INPP5F: variants seen among roughly 807,000 people sequenced by gnomAD.
INPP5F encodes phosphatidylinositide 4-phosphatase SAC2.
In INPP5F, 97 loss-of-function variants were observed where a neutral mutation model predicts 137.2. The observed-to-expected ratio is 0.71, with a 90% CI of 0.60 to 0.84. The LOEUF is 0.84. Ranked by LOEUF, INPP5F falls within the 40% of genes least tolerant of loss-of-function variation. INPP5F has a pLI of 0.00. For synonymous variants in INPP5F, 504 were observed against 476.9 expected (o/e 1.06, Z -0.74); for missense variants, 1,271 against 1,371.9 (o/e 0.93, Z 1.16).
intron 1 of INPP5F, among the ~76,000 whole-genome samples, chr10:119,727,384 A>G (rs1475904406): frequency 6.6e-6 from 1 of 152,218 alleles, no homozygotes; most frequent in African/African-American, 2.4e-5. Context: ...CACTTATAGG[A>G]TGGTTTTTAA....
At position 119,826,751 on chromosome 10, in the gene INPP5F, GACCAAATCCAATGTAAATATTGGCA is replaced by G; in HGVS notation, c.2374_2398del (p.Lys792SerfsTer4). The stretch of plus-strand genomic sequence containing the variant: ...CATCTCTAAATCAAAAAGTGAAGCA[GACCAAATCCAATGTAAATATTGGCA>G]ACCTCCGAAAGCTAGGAAACTTTAC... On this transcript the variant is annotated frameshift_variant, in exon 20 of 20. Transcript: ENST00000650623. LOFTEE classifies it high-confidence loss of function. 6.2e-7 allele frequency: 1 copy of G among 1,613,844 alleles called. No homozygotes were observed. Among genetic ancestry groups the G allele is most frequent in the South Asian group, 1.1e-5 (1 of 90,976 alleles).
intron 2 of INPP5F, among the ~76,000 whole-genome samples, chr10:119,763,172 C>G (rs1849056045): frequency 6.6e-6 from 1 of 152,184 alleles, no homozygotes; most frequent in South Asian, 2.1e-4. Context: ...AAGACAAACT[C>G]CTTGAGATCT....
chr10:119,791,359 CAT>C (rs1850136746), intron 3 of INPP5F, among the ~76,000 whole-genome samples, 156 bp from the exon 4 acceptor site: 2 of 152,212 alleles, frequency 1.3e-5, no homozygotes, highest in Admixed American at 6.5e-5. Flanking sequence ...TCATGGGACT[CAT>C]AGTTGTGCTT....
intron 2 of INPP5F, among the ~76,000 whole-genome samples, chr10:119,775,540 C>T (rs1311565308): frequency 6.6e-6 from 1 of 152,186 alleles, no homozygotes; most frequent in African/African-American, 2.4e-5. Context: ...GCTGGGATTA[C>T]AAGCATGGGC....
rs186256860 is a variant in INPP5F, at chr10:119,770,211, T to C, written c.179-11424T>C. 7.9e-5 allele frequency among the ~76,000 whole-genome samples: 12 copies of C among 152,310 alleles called. No individual in the cohort carries two copies. In the East Asian group the frequency reaches 1.2e-3, roughly 15 times the overall value. On this transcript the variant is annotated intron_variant, in intron 2 of 19. Transcript: ENST00000650623. ...AGGCACGGTTACAAAATTGACTTTTTCCCCCATTGTAATATGTTTAAAAAG... is the reference window on the plus strand; with the variant it reads ...AGGCACGGTTACAAAATTGACTTTTCCCCCCATTGTAATATGTTTAAAAAG...
rs1849982339 is a variant in INPP5F at position 119,787,902 on chromosome 10, G to A, written c.316-3615G>A. ...TGGAACTCCCTAGATCATGAGGGGA[G>A]CTGTTAGAGTGTCTGCACTGAGTTG... On this transcript the variant is annotated intron_variant, in intron 3 of 19. Coordinates refer to ENST00000650623, the MANE Select transcript of INPP5F (RefSeq NM_014937.4). The surrounding 1 kb of genome is among the most constrained non-coding windows in gnomAD (Gnocchi z 4.1). Among the ~76,000 whole-genome samples, 1 of 152,118 alleles carries A rather than the reference G, an allele frequency of 6.6e-6. No individual in the cohort carries two copies. The highest frequency in any genetic ancestry group is 1.5e-5 in the Non-Finnish European group (1 of 68,012).
chr10:119,735,123 A>C (rs1402405461), intron 1 of INPP5F, among the ~76,000 whole-genome samples: 2 of 152,220 alleles, frequency 1.3e-5, no homozygotes, highest in Non-Finnish European at 2.9e-5. Flanking sequence ...TAATTAAATC[A>C]CATGTTTTTA....
intron 19 of INPP5F, chr10:119,826,024 C>T: frequency 2.5e-6 from 1 of 398,460 alleles, no homozygotes; most frequent in Non-Finnish European, 4.4e-6. Context: ...ATCAGGTAAC[C>T]CACAGGACAT....
intron 1 of INPP5F, among the ~76,000 whole-genome samples, chr10:119,727,983 C>T (rs1010993441): frequency 1.4e-4 from 21 of 152,200 alleles, no homozygotes; most frequent in African/African-American, 4.8e-4. Flanking sequence ...AGATCGTCTC[C>T]AACTCATCTG....
At chr10:119,756,896 T>A (rs1047139161) in intron 2 of INPP5F, among the ~76,000 whole-genome samples, 1 of 151,224 alleles carries the variant, frequency 6.6e-6, no homozygotes, top group African/African-American at 2.4e-5. Context: ...AGGTTCTATT[T>A]GCCCTAATGC....
In INPP5F at chr10:119,827,543, T is replaced by C. The variant is rs771887263; in HGVS notation, c.3162T>C (p.His1054=). 4.3e-6 allele frequency: 7 copies of C among 1,614,042 alleles called. No homozygotes were observed. In the African/African-American group the frequency reaches 9.3e-5, roughly 22 times the overall value. ...SSMLELETGL[H]VTPSPSESSS... ...TGCTTGAACTTGAGACAGGGCTTCA[T>C]GTAACTCCTTCTCCTTCAGAGAGCA... The change falls in exon 20 of 20, where the codon CAT becomes CAC. Residue 1054 remains histidine (H), a synonymous_variant. Transcript: ENST00000650623.
chr10:119,826,598 G>T, intron 19 of INPP5F, 33 bp from the exon 20 acceptor site: 1 of 1,483,204 alleles, frequency 6.7e-7, no homozygotes, highest in South Asian at 1.3e-5. Flanking sequence ...GGATTCCATG[G>T]GGAATTAACT....
At chr10:119,783,475 TA>T in intron 3 of INPP5F, among the ~76,000 whole-genome samples, 1 of 152,322 alleles carries the variant, frequency 6.6e-6, no homozygotes. Flanking sequence ...CTTCGGAAAT[TA>T]AATGTCACAC....
At chr10:119,742,217 G>A (rs868686395) in intron 1 of INPP5F, among the ~76,000 whole-genome samples, 6 of 150,636 alleles carry the variant, frequency 4.0e-5, no homozygotes, top group East Asian at 2.0e-4. Context: ...GTGCAGTGGC[G>A]CGATCTCAGC....
chr10:119,789,332 TAA>T (rs1850047248), intron 3 of INPP5F, among the ~76,000 whole-genome samples: 1 of 152,204 alleles, frequency 6.6e-6, no homozygotes. Flanking sequence ...TTCAGGTTTT[TAA>T]AAGAGTTATT....
chr10:119,811,699 T>G, intron 14 of INPP5F, 58 bp from the exon 15 acceptor site: 1 of 1,393,974 alleles, frequency 7.2e-7, no homozygotes, highest in Non-Finnish European at 9.9e-7. Context: ...TCTCTTTTGT[T>G]TTTTAAAAAT....
chr10:119,823,848 T>A lies in INPP5F; in HGVS notation c.2195T>A (p.Ile732Asn). Residue 732 changes from isoleucine to asparagine, a missense_variant, in exon 19 of 20, where the codon ATC becomes AAC. By Grantham distance (149) the Ile-to-Asn change is moderately radical. Coordinates refer to ENST00000650623, the MANE Select transcript of INPP5F (RefSeq NM_014937.4). ...TLQCIAEMLQ[I>N]TKQAMGSDLP... is the part of the protein sequence containing the mutation. The stretch of plus-strand genomic sequence containing the variant: ...CAGTGCATTGCAGAGATGCTGCAGA[T>A]CACCAAGCAAGCCATGGGATCGGAT... 6.2e-7 allele frequency: 1 copy of A among 1,614,110 alleles called. No homozygotes were observed. Among genetic ancestry groups the A allele is most frequent in the Non-Finnish European group, 8.5e-7 (1 of 1,180,000 alleles).
intron 12 of INPP5F, among the ~76,000 whole-genome samples, 174 bp downstream of exon 12, chr10:119,806,654 T>G (rs1214590538): frequency 6.6e-6 from 1 of 152,188 alleles, no homozygotes; most frequent in Non-Finnish European, 1.5e-5. Context: ...TGAAAATCAG[T>G]TAAATAAAGT....
rs764480287 is a variant in INPP5F, at chr10:119,805,416, T to C, written c.1274T>C (p.Leu425Pro). 3 of 1,613,414 alleles carry C rather than the reference T, an allele frequency of 1.9e-6. No individual in the cohort carries two copies. Among genetic ancestry groups the C allele is most frequent in the Non-Finnish European group, 2.5e-6 (3 of 1,179,454 alleles). The change falls in exon 11 of 20, where the codon CTA becomes CCA. Residue 425 changes from leucine to proline, a missense_variant. Leu to Pro is a moderately conservative substitution (Grantham distance 98, BLOSUM62 -3). Coordinates refer to ENST00000650623, the MANE Select transcript of INPP5F (RefSeq NM_014937.4). ...RGMKFENVQT[L>P]TDAIYDIILD... is the part of the protein sequence containing the mutation. ...ATGAAGTTTGAGAATGTTCAGACAC[T>C]AACAGATGCCATTTATGACATTATT... is the stretch of plus-strand genomic sequence containing the variant.
Sources: allele counts gnomAD v4.1 joint callset (sites outside exome capture counted in the v4.1 genomes callset), GRCh38; gene constraint gnomAD v4.1.1; non-coding constraint Gnocchi (gnomAD v3.1); transcripts MANE v1.5; gene names NCBI Gene and HGNC (gene_info 2026-07-23, HGNC 2026-07-21).